The following MAST4 variants were observed in gnomAD, a reference collection of about 807,000 sequenced individuals.
MAST4 encodes microtubule associated serine/threonine kinase family member 4, also known as microtubule-associated serine/threonine-protein kinase 4.
In MAST4, 89 loss-of-function variants were observed where a neutral mutation model predicts 162.7. That is an observed-to-expected ratio of 0.55 (90% CI 0.46 to 0.65). MAST4 has a LOEUF of 0.65. Among genes scored for constraint, MAST4 ranks in the 30% least tolerant of loss-of-function variants. The pLI is 0.00. For synonymous variants in MAST4, 1,479 were observed against 1,361.1 expected, an observed-to-expected ratio of 1.09 and a Z score of -1.91; for missense variants, 3,153 against 3,374.0, an observed-to-expected ratio of 0.93 and a Z score of 1.62.
At chr5:66,691,052 TA>T (rs962164273) in intron 1 of MAST4, among the ~76,000 whole-genome samples, 1 of 152,196 alleles carries the variant, frequency 6.6e-6, no homozygotes, top group Non-Finnish European at 1.5e-5. Context: ...ATTGTCCTAA[TA>T]ACTTTCTTAG....
chr5:67,042,862 A>C (rs1756932268), intron 4 of MAST4, among the ~76,000 whole-genome samples: 1 of 152,204 alleles, frequency 6.6e-6, no homozygotes, highest in Non-Finnish European at 1.5e-5. Context: ...AACAAAGTGG[A>C]GCTCTGGTGT....
intron 24 of MAST4, among the ~76,000 whole-genome samples, chr5:67,152,386 A>G (rs1771939024): frequency 6.6e-6 from 1 of 152,248 alleles, no homozygotes; most frequent in African/African-American, 2.4e-5. Flanking sequence ...GAGTATTGAA[A>G]TTTCTTTCTC....
chr5:66,754,296 G>A (rs1019877329), intron 1 of MAST4, among the ~76,000 whole-genome samples: 2 of 152,066 alleles, frequency 1.3e-5, no homozygotes, highest in African/African-American at 4.8e-5. Context: ...AAAGTTCAAT[G>A]GTTATTTAGG....
chr5:66,786,289 C>G (rs1189660033), intron 2 of MAST4, among the ~76,000 whole-genome samples: 1 of 145,426 alleles, frequency 6.9e-6, no homozygotes, highest in African/African-American at 2.5e-5. Context: ...TTTTTTTAAT[C>G]TACGTTCAGT....
intron 4 of MAST4, among the ~76,000 whole-genome samples, chr5:66,921,642 C>T (rs900900683): frequency 2.0e-5 from 3 of 152,048 alleles, no homozygotes; most frequent in Non-Finnish European, 4.4e-5. Context: ...GCCTGTAATC[C>T]CAGCTACTCA....
chr5:66,615,774 C>T (rs1201383031), intron 1 of MAST4, among the ~76,000 whole-genome samples: 5 of 152,126 alleles, frequency 3.3e-5, no homozygotes, highest in Admixed American at 2.6e-4. Context: ...CACCACTGCA[C>T]TGCAATCTGG....
intron 1 of MAST4, among the ~76,000 whole-genome samples, chr5:66,725,197 CAG>C (rs1751436400): frequency 1.3e-5 from 2 of 151,946 alleles, no homozygotes; most frequent in South Asian, 4.1e-4. Context: ...AATTTTTCCT[CAG>C]AAAGTTTAAA....
At chr5:66,777,555 G>A (rs1430208505) in intron 2 of MAST4, among the ~76,000 whole-genome samples, 3 of 152,134 alleles carry the variant, frequency 2.0e-5, no homozygotes, top group South Asian at 4.1e-4. Context: ...TTTGGTGATG[G>A]ACTTGAAATC....
chr5:66,791,133 C>T (rs1755382704), intron 3 of MAST4, among the ~76,000 whole-genome samples: 1 of 152,212 alleles, frequency 6.6e-6, no homozygotes, highest in Middle Eastern at 3.2e-3. Context: ...AGGCGATTCT[C>T]CTGCCTCAGC....
At position 66,741,659 on chromosome 5, in the gene MAST4, T is replaced by C. The variant is rs1292003601; in HGVS notation, c.364-18050T>C. Among the ~76,000 whole-genome samples, 6 of 152,100 alleles carry C rather than the reference T, an allele frequency of 3.9e-5. No individual in the cohort carries two copies. The East Asian group carries it at 1.2e-3, about 29-fold the overall frequency. On this transcript the variant is annotated intron_variant, in intron 1 of 28. Coordinates refer to ENST00000403625, the MANE Select transcript of MAST4 (RefSeq NM_001164664.2). ...GTTTGAGCTTTGTGGGAACGGGACC[T>C]CTCAACAGTGGACTCTAAAGGTGAC...
chr5:67,008,681 C>T (rs1561527490), intron 4 of MAST4, among the ~76,000 whole-genome samples: 1 of 152,150 alleles, frequency 6.6e-6, no homozygotes, highest in Non-Finnish European at 1.5e-5. Context: ...TAGTTTGTGA[C>T]TCAGTTCATC....
chr5:66,879,195 C>T (rs929907691), intron 3 of MAST4, among the ~76,000 whole-genome samples: 4 of 152,044 alleles, frequency 2.6e-5, no homozygotes, highest in African/African-American at 4.8e-5. Context: ...AGGAGAATGG[C>T]GTGGACCCGG....
At chr5:66,685,876 G>A (rs1448633676) in intron 1 of MAST4, among the ~76,000 whole-genome samples, 2 of 152,150 alleles carry the variant, frequency 1.3e-5, no homozygotes, top group African/African-American at 2.4e-5. Flanking sequence ...CCATAGACTG[G>A]GAGGAGGGGT....
Position 67,142,450 on chromosome 5 carries a change from A to G in MAST4, c.2647A>G (p.Thr883Ala), listed in dbSNP as rs1770510297. ...GTCTGAGAAGTATCATCATATGGAA[A>G]CGGAGGAAGAAGATGACACAAATGA... The part of the protein sequence containing the change: ...TRSEKYHHME[T>A]EEEDDTNDED... Residue 883 changes from threonine to alanine, a missense_variant, in exon 21 of 29, where the codon ACG becomes GCG. By Grantham distance (58) the Thr-to-Ala change is moderately conservative. Coordinates refer to ENST00000403625, the MANE Select transcript of MAST4 (RefSeq NM_001164664.2). 2.5e-6 allele frequency: 4 copies of G among 1,600,888 alleles called. No homozygotes were observed. The highest frequency in any genetic ancestry group is 2.6e-6 in the Non-Finnish European group (3 of 1,173,274).
chr5:67,165,336 C>G lies in MAST4; in HGVS notation c.6157C>G (p.Pro2053Ala). ...CAAAGATGGCCCAGGTGAGGCGAGG[C>G]CCCCGCCCAGAGACAACTCCTCTCT... ...NHKDGPGEAR[P>A]PPRDNSSLHS... The change falls in exon 29 of 29, where the codon CCC (proline) becomes GCC (alanine). Residue 2053 changes from proline to alanine, a missense_variant. Transcript: ENST00000403625. The G allele has an allele frequency of 3.1e-6, 5 of 1,613,634 alleles. No individual in the cohort carries two copies. The highest frequency in any genetic ancestry group is 4.2e-6 in the Non-Finnish European group (5 of 1,179,890).
intron 3 of MAST4, among the ~76,000 whole-genome samples, chr5:66,804,336 G>C (rs912034408): frequency 1.3e-5 from 2 of 152,192 alleles, no homozygotes; most frequent in Non-Finnish European, 2.9e-5. Flanking sequence ...CTGTGGGTCT[G>C]TGTGTTGGTT....
intron 4 of MAST4, among the ~76,000 whole-genome samples, chr5:66,930,032 G>C (rs1414832714): frequency 6.6e-6 from 1 of 152,128 alleles, no homozygotes; most frequent in Non-Finnish European, 1.5e-5. Context: ...TCCTGTAGAT[G>C]ATATAGTATG....
intron 1 of MAST4, among the ~76,000 whole-genome samples, chr5:66,739,792 T>C (rs897485283): frequency 6.6e-6 from 1 of 152,038 alleles, no homozygotes; most frequent in Non-Finnish European, 1.5e-5. Context: ...CAGCTAAGCA[T>C]TTTTGTACAT....
At chr5:66,982,026 G>T (rs1472135900) in intron 4 of MAST4, among the ~76,000 whole-genome samples, 1 of 152,152 alleles carries the variant, frequency 6.6e-6, no homozygotes, top group South Asian at 2.1e-4. Flanking sequence ...TGTGGGAATA[G>T]GTAGAATAGG....
Sources: gnomAD v4.1 joint callset for allele counts (sites outside exome capture counted in the v4.1 genomes callset) on GRCh38, gnomAD v4.1.1 for gene constraint, MANE v1.5 for transcripts, NCBI Gene and HGNC (gene_info 2026-07-23, HGNC 2026-07-21) for gene names.